MAP2K3: variants seen among roughly 807,000 people sequenced by gnomAD.
The protein encoded by MAP2K3 is dual specificity mitogen-activated protein kinase kinase 3.
In MAP2K3, 30 loss-of-function variants were observed where a neutral mutation model predicts 46.4. The observed-to-expected ratio is 0.65, with a 90% CI of 0.48 to 0.88. The LOEUF is 0.88. MAP2K3 is among the 40% of genes least tolerant of loss of function. The probability of loss-of-function intolerance (pLI) is 0.00; values close to 1 mark genes in which losing one functional copy is unlikely to be tolerated. For missense variants in MAP2K3, 380 were observed against 464.5 expected, an observed-to-expected ratio of 0.82 and a Z score of 1.67; for synonymous variants, 189 against 176.3, an observed-to-expected ratio of 1.07 and a Z score of -0.57.
chr17:21,288,325 G>A (rs1975783241), intron 1 of MAP2K3, among the ~76,000 whole-genome samples: 1 of 152,190 alleles, frequency 6.6e-6, no homozygotes, highest in South Asian at 2.1e-4. Flanking sequence ...CCTCTATTAG[G>A]CAAGGGGCTC....
At chr17:21,307,856 T>C (rs1297759776) in intron 9 of MAP2K3, among the ~76,000 whole-genome samples, 18 of 149,862 alleles carry the variant, frequency 1.2e-4, no homozygotes, top group African/African-American at 4.2e-4. Context: ...TTTTTTTTTT[T>C]TTTTTTTTTT....
chr17:21,312,333 C>T (rs780886953), intron 10 of MAP2K3, 52 bp downstream of exon 10: 548 of 1,516,116 alleles, frequency 3.6e-4, no homozygotes, highest in Non-Finnish European at 4.7e-4. Flanking sequence ...CTGGCCAGAT[C>T]CCTGCACCTT....
At chr17:21,302,070 T>C (rs1435063606) in intron 5 of MAP2K3, 73 bp from the exon 6 acceptor site, 29 of 1,457,168 alleles carry the variant, frequency 2.0e-5, no homozygotes, top group Non-Finnish European at 2.4e-5. Context: ...GGGCTGGTGC[T>C]GGGGCAGGCA....
In MAP2K3 at chr17:21,312,135, G is replaced by T; in HGVS notation, c.775-7G>T. On this transcript the variant is annotated splice_region_variant and splice_polypyrimidine_tract_variant and intron_variant, in intron 9 of 11. Transcript: ENST00000342679. ...CCGGGGCCTCTGACCCCCTGTCCCC[G>T]CTGCAGATTGAGATGGCCATCCTGC... The T allele has an allele frequency of 2.0e-6, 3 of 1,537,354 alleles. No individual in the cohort carries two copies. The highest frequency in any genetic ancestry group is 2.6e-6 in the Non-Finnish European group (3 of 1,145,044).
chr17:21,295,974 T>A, intron 1 of MAP2K3: 1 of 1,261,814 alleles, frequency 7.9e-7, no homozygotes, highest in Non-Finnish European at 1.0e-6. Flanking sequence ...TGCAGAGCTT[T>A]AATTTTTAAC....
intron 1 of MAP2K3, among the ~76,000 whole-genome samples, chr17:21,290,538 G>C (rs1379006971): frequency 2.0e-5 from 3 of 152,310 alleles, no homozygotes; most frequent in African/African-American, 7.2e-5. Flanking sequence ...TGCTGTTGAG[G>C]GTGAATGAGA....
chr17:21,299,799 G>A (rs1350910119), intron 3 of MAP2K3, among the ~76,000 whole-genome samples: 3 of 152,276 alleles, frequency 2.0e-5, no homozygotes, highest in Admixed American at 2.0e-4. Flanking sequence ...CCTAGCTAAC[G>A]TGGTGAAACC....
At chr17:21,292,701 G>A (rs1457490994) in intron 1 of MAP2K3, among the ~76,000 whole-genome samples, 1 of 152,304 alleles carries the variant, frequency 6.6e-6, no homozygotes, top group Non-Finnish European at 1.5e-5. Flanking sequence ...TGGCCAGGCT[G>A]GTCTCAAACT....
At chr17:21,308,113 C>A (rs898892217) in intron 9 of MAP2K3, among the ~76,000 whole-genome samples, 5 of 150,096 alleles carry the variant, frequency 3.3e-5, no homozygotes, top group Non-Finnish European at 7.4e-5. Context: ...GCCTCTGCCT[C>A]CCAAAGTGCT....
intron 1 of MAP2K3, chr17:21,285,423 T>C (rs1425214935): frequency 8.9e-6 from 3 of 336,734 alleles, no homozygotes; most frequent in Non-Finnish European, 1.3e-5. Flanking sequence ...GGGATTTAAC[T>C]TGAGTCTCCA....
rs1976267352 is a variant in MAP2K3 at position 21,296,625 on chromosome 17, CT to C, written c.50-1786del. ...TTGCTGTGCAGCCTGGGGCAAGTGGCTTCACCTCTCTGAGCCTGTTCCCCAA... is the reference window on the plus strand; with the variant it reads ...TTGCTGTGCAGCCTGGGGCAAGTGGCTCACCTCTCTGAGCCTGTTCCCCAA... On this transcript the variant is annotated intron_variant, in intron 1 of 11. Transcript: ENST00000342679. Among the ~76,000 whole-genome samples the C allele has an allele frequency of 3.9e-5, 6 of 152,426 alleles. No homozygotes were observed. In the South Asian group the frequency reaches 1.2e-3, roughly 32 times the overall value.
chr17:21,299,187 G>A (rs1469638081), intron 3 of MAP2K3, among the ~76,000 whole-genome samples: 1 of 152,288 alleles, frequency 6.6e-6, no homozygotes, highest in African/African-American at 2.4e-5. Context: ...TGAGCTGAGA[G>A]CAAGGCCCTG....
chr17:21,305,926 G>A (rs1261228325), intron 9 of MAP2K3, among the ~76,000 whole-genome samples: 2 of 152,306 alleles, frequency 1.3e-5, no homozygotes, highest in African/African-American at 4.8e-5. Flanking sequence ...CTCCTTCCCT[G>A]CCCAGGGAAG....
intron 3 of MAP2K3, 78 bp downstream of exon 3, chr17:21,299,004 TTG>T (rs1976435416): frequency 3.1e-6 from 5 of 1,593,888 alleles, no homozygotes; most frequent in East Asian, 2.2e-5. Flanking sequence ...CAGGGCCACT[TTG>T]GGGGGAGGTG....
At chr17:21,295,757 G>A in intron 1 of MAP2K3, 1 of 1,289,402 alleles carries the variant, frequency 7.8e-7, no homozygotes, top group Non-Finnish European at 1.0e-6. Context: ...ATATGTGCAA[G>A]TGCCCTTGAC....
At chr17:21,303,867 G>T (rs1371481147) in intron 7 of MAP2K3, among the ~76,000 whole-genome samples, 1 of 152,312 alleles carries the variant, frequency 6.6e-6, no homozygotes, top group Non-Finnish European at 1.5e-5. Context: ...GTGGTTGGCG[G>T]TTGGCACGGA....
chr17:21,285,145 C>G lies in MAP2K3; in HGVS notation c.49+176C>G, dbSNP rs528998647. 3.4e-5 allele frequency: 29 copies of G among 859,194 alleles called. No individual in the cohort carries two copies. The East Asian group carries it at 3.2e-3, about 94-fold the overall frequency. The allele number at this position is 859,194 out of a possible 1,614,324, so 53.2% of individuals were successfully genotyped here. On this transcript the variant is annotated intron_variant, in intron 1 of 11. Coordinates refer to ENST00000342679, the MANE Select transcript of MAP2K3 (RefSeq NM_145109.3). ...GACCAGCCCCCGCCTGGGCCCTCAC[C>G]TGGACCCCCACGTTAGGCCTTGGGA...
In MAP2K3 at chr17:21,284,972, A is replaced by T; in HGVS notation, c.49+3A>T. On this transcript the variant is annotated splice_donor_region_variant and intron_variant, in intron 1 of 11. Transcript: ENST00000342679. Reference sequence around the variant, plus strand: ...CGCCAGCATGCCCCAGTCCAAAGGTAGGCGCTCCCGGCCGGGACCTCGGCC... The same window carrying T: ...CGCCAGCATGCCCCAGTCCAAAGGTTGGCGCTCCCGGCCGGGACCTCGGCC... 6.2e-7 allele frequency: 1 copy of T among 1,609,460 alleles called. No individual in the cohort carries two copies. Among genetic ancestry groups the T allele is most frequent in the Non-Finnish European group, 8.5e-7 (1 of 1,178,554 alleles).
chr17:21,299,658 G>A, intron 3 of MAP2K3, among the ~76,000 whole-genome samples: 1 of 151,488 alleles, frequency 6.6e-6, no homozygotes, highest in African/African-American at 2.4e-5. Flanking sequence ...CTCCAGCTTG[G>A]GTGACGGAGT....
Sources: allele counts gnomAD v4.1 joint callset (sites outside exome capture counted in the v4.1 genomes callset), GRCh38; gene constraint gnomAD v4.1.1; transcripts MANE v1.5; gene names NCBI Gene and HGNC (gene_info 2026-07-23, HGNC 2026-07-21).